Variants in SHOC1 observed in about 807,000 individuals in gnomAD.
SHOC1 encodes the protein protein shortage in chiasmata 1 ortholog.
A neutral mutation model predicts 179.2 loss-of-function variants in SHOC1; 136 were observed. The ratio of observed to expected loss-of-function variants is 0.76; its 90% CI spans 0.66 to 0.87. The LOEUF (loss-of-function observed/expected upper bound fraction) is 0.87, where lower values mean the gene tolerates loss of function less well. SHOC1 is among the 40% of genes least tolerant of loss of function. SHOC1 has a pLI of 0.00. For synonymous variants in SHOC1, 489 were observed against 586.6 expected (o/e 0.83, Z 2.41); for missense variants, 1,538 against 1,700.8 (o/e 0.90, Z 1.68).
At chr9:111,784,665 C>T (rs562079875) in intron 3 of SHOC1, among the ~76,000 whole-genome samples, 2 of 152,162 alleles carry the variant, frequency 1.3e-5, no homozygotes, top group African/African-American at 2.4e-5. Flanking sequence ...ATAGCTATAA[C>T]AAAAATATCA....
chr9:111,699,433 TCAGAAATGAAAG>T (rs1441841385), intron 24 of SHOC1, among the ~76,000 whole-genome samples: 1 of 152,096 alleles, frequency 6.6e-6, no homozygotes, highest in Non-Finnish European at 1.5e-5. Context: ...AGAATTATAC[TCAGAAATGAAAG>T]CAAAATCTGT....
At chr9:111,717,000 T>C (rs1832821671) in intron 16 of SHOC1, among the ~76,000 whole-genome samples, 1 of 152,204 alleles carries the variant, frequency 6.6e-6, no homozygotes, top group African/African-American at 2.4e-5. Flanking sequence ...GCTTCTCAGC[T>C]TCTATAATAG....
In SHOC1 at chr9:111,784,461, A is replaced by G. The variant is rs79288093; in HGVS notation, c.169+1451T>C. ...CAAGACACTGTAATATTTTATCCAGAGTTTAGATTCTGGGCTACTACAATA... is the reference window on the plus strand; with the variant it reads ...CAAGACACTGTAATATTTTATCCAGGGTTTAGATTCTGGGCTACTACAATA... On this transcript the variant is annotated intron_variant, in intron 3 of 27. Coordinates refer to ENST00000682961, the MANE Select transcript of SHOC1 (RefSeq NM_001378211.1). 2.1e-3 allele frequency among the ~76,000 whole-genome samples: 317 copies of G among 152,292 alleles called. 8 individuals carry two copies. In the East Asian group the frequency reaches 0.055, roughly 26 times the overall value.
intron 5 of SHOC1, among the ~76,000 whole-genome samples, chr9:111,768,346 C>T (rs1164145321): frequency 6.6e-6 from 1 of 151,976 alleles, no homozygotes; most frequent in Non-Finnish European, 1.5e-5. Flanking sequence ...CTCTAGCCTC[C>T]TGAGTAGCTG....
intron 24 of SHOC1, 144 bp downstream of exon 24, chr9:111,699,810 T>C (rs1289113426): frequency 6.0e-6 from 3 of 496,552 alleles, no homozygotes; most frequent in Admixed American, 3.5e-5. Flanking sequence ...AAAATGTTTA[T>C]TAATTTGAAA....
chr9:111,711,625 G>A (rs182649783), intron 18 of SHOC1, among the ~76,000 whole-genome samples: 2 of 152,298 alleles, frequency 1.3e-5, no homozygotes, highest in East Asian at 3.9e-4. Context: ...GGAAACTGAG[G>A]AGGATACTTA....
chr9:111,748,598 T>C (rs1834398184), intron 8 of SHOC1, among the ~76,000 whole-genome samples: 1 of 152,208 alleles, frequency 6.6e-6, no homozygotes, highest in Admixed American at 6.6e-5. Flanking sequence ...CTTGTCTATA[T>C]GAATACTGCC....
chr9:111,700,258 G>A (rs191747396), intron 23 of SHOC1, among the ~76,000 whole-genome samples: 7 of 151,646 alleles, frequency 4.6e-5, no homozygotes, highest in African/African-American at 7.3e-5. Flanking sequence ...TCAAATCTAC[G>A]GGATACATGT....
At chr9:111,713,030 G>A (rs1832623654) in intron 18 of SHOC1, 70 bp downstream of exon 18, 2 of 947,536 alleles carry the variant, frequency 2.1e-6, no homozygotes, top group East Asian at 2.6e-5. Context: ...TTTAAAAGCT[G>A]GTTAGATCAA....
At chr9:111,744,469 T>C (rs1014980772) in intron 10 of SHOC1, among the ~76,000 whole-genome samples, 6 of 152,188 alleles carry the variant, frequency 3.9e-5, no homozygotes, top group African/African-American at 1.4e-4. Context: ...CTCAGTCTTA[T>C]GCTTTGACAC....
chr9:111,714,903 T>G (rs1343101400), intron 16 of SHOC1, among the ~76,000 whole-genome samples: 1 of 152,234 alleles, frequency 6.6e-6, no homozygotes, highest in Non-Finnish European at 1.5e-5. Context: ...TGAATGCTAT[T>G]GCACTCTTCC....
At chr9:111,723,069 C>G (rs1048215680) in intron 14 of SHOC1, among the ~76,000 whole-genome samples, 1 of 152,096 alleles carries the variant, frequency 6.6e-6, no homozygotes, top group African/African-American at 2.4e-5. Flanking sequence ...TGTGAGCCAC[C>G]GCGCCTGGCC....
Position 111,785,928 on chromosome 9 carries a change from C to T in SHOC1, c.153G>A (p.Arg51=). 1 of 1,487,320 alleles carries T rather than the reference C, an allele frequency of 6.7e-7. No individual in the cohort carries two copies. Among genetic ancestry groups the T allele is most frequent in the Admixed American group, 2.6e-5 (1 of 37,938 alleles). The allele number at this position is 1,487,320 out of a possible 1,614,324, so 92.1% of individuals were successfully genotyped here. A position where few individuals can be genotyped will look rare whatever the true frequency, so the allele number is the denominator to read the frequency against. Residue 51 remains arginine (R), a synonymous_variant, in exon 3 of 28, where the codon AGG becomes AGA. Coordinates refer to ENST00000682961, the MANE Select transcript of SHOC1 (RefSeq NM_001378211.1). ...YHVAVTDNKF[R]RPWTRVSAVS... ...CAAACATACCTCTCGTCCATGGCCT[C>T]CTAAATTTATTATCAGTAACTGCTA...
At chr9:111,730,699 A>C (rs946876238) in intron 12 of SHOC1, among the ~76,000 whole-genome samples, 1 of 152,144 alleles carries the variant, frequency 6.6e-6, no homozygotes, top group Admixed American at 6.5e-5. Flanking sequence ...CATAATTCTT[A>C]AGGGCCTTAG....
intron 4 of SHOC1, among the ~76,000 whole-genome samples, chr9:111,777,844 C>A (rs1835891559): frequency 6.6e-6 from 1 of 152,118 alleles, no homozygotes; most frequent in Non-Finnish European, 1.5e-5. Flanking sequence ...TGTGTCATAT[C>A]TTAAAATCAT....
rs760632317 is a variant in SHOC1, at chr9:111,727,658, T to C, written c.1809A>G (p.Glu603=). The C allele has an allele frequency of 3.1e-6, 5 of 1,589,762 alleles. No individual in the cohort carries two copies. In the African/African-American group the frequency reaches 6.8e-5, roughly 22 times the overall value. ...CATGTTTTTCATCACTGTTTGTGAC[T>C]TCAGTCTTTGAGGTGCAAGTCTTAT... is the stretch of plus-strand genomic sequence containing the variant. ...NKYKTCTSKT[E]VTNSDEKHDK... is the part of the protein sequence containing the mutation. Residue 603 remains glutamate, a synonymous_variant, in exon 13 of 28, where the codon GAA becomes GAG. Transcript: ENST00000682961.
chr9:111,785,265 G>A (rs1266891836), intron 3 of SHOC1, among the ~76,000 whole-genome samples: 2 of 151,388 alleles, frequency 1.3e-5, no homozygotes, highest in South Asian at 2.1e-4. Context: ...CCCTACTCCC[G>A]CAATTTCATA....
intron 5 of SHOC1, among the ~76,000 whole-genome samples, chr9:111,763,605 G>A (rs1313259537): frequency 1.3e-5 from 2 of 152,032 alleles, no homozygotes; most frequent in African/African-American, 4.8e-5. Flanking sequence ...AAGACTTTTT[G>A]GATATGGAAG....
At chr9:111,701,295 T>C (rs1427875714) in intron 23 of SHOC1, among the ~76,000 whole-genome samples, 2 of 152,174 alleles carry the variant, frequency 1.3e-5, no homozygotes, top group Non-Finnish European at 2.9e-5. Context: ...TCTAAAAATA[T>C]GAATCTGAGA....
Sources: allele counts gnomAD v4.1 joint callset (sites outside exome capture counted in the v4.1 genomes callset), GRCh38; gene constraint gnomAD v4.1.1; transcripts MANE v1.5; gene names NCBI Gene and HGNC (gene_info 2026-07-23, HGNC 2026-07-21).